The following SOX6 variants were observed in gnomAD, a reference collection of about 807,000 sequenced individuals.
SOX6 encodes SRY-box transcription factor 6.
A neutral mutation model predicts 97.8 loss-of-function variants in SOX6; 11 were observed. The ratio of observed to expected loss-of-function variants is 0.11; its 90% CI spans 0.07 to 0.19. The LOEUF (loss-of-function observed/expected upper bound fraction) is 0.19, where lower values mean the gene tolerates loss of function less well. Among genes scored for constraint, SOX6 ranks in the 10% least tolerant of loss-of-function variants. The pLI, the probability that SOX6 is intolerant of heterozygous loss-of-function variation, is 1.00. For synonymous variants in SOX6, 360 were observed against 371.4 expected (o/e 0.97, Z 0.35); for missense variants, 810 against 1,039.5 (o/e 0.78, Z 3.04).
At position 16,102,823 on chromosome 11, in the gene SOX6, CA is replaced by C. The variant is rs1848982331; in HGVS notation, c.899-5136del. Among the ~76,000 whole-genome samples, 12 of 151,726 alleles carry C rather than the reference CA, an allele frequency of 7.9e-5. No individual in the cohort carries two copies. The South Asian group carries it at 2.5e-3, about 31-fold the overall frequency. On this transcript the variant is annotated intron_variant, in intron 7 of 15. Transcript: ENST00000683767. ...TGATGCTGGAATAATTGGCAAGCCA[CA>C]CGTAGAATGAATCTGGATCCTCATC...
At chr11:16,673,417 G>C (rs1847861317) in intron 3 of SOX6, among the ~76,000 whole-genome samples, 1 of 152,044 alleles carries the variant, frequency 6.6e-6, no homozygotes, top group Non-Finnish European at 1.5e-5. Context: ...GATGAAAAAA[G>C]AGACATTACT....
At chr11:16,497,504 C>T (rs932683787) in intron 4 of SOX6, among the ~76,000 whole-genome samples, 10 of 151,888 alleles carry the variant, frequency 6.6e-5, no homozygotes, top group Non-Finnish European at 1.3e-4. Flanking sequence ...AGGCTTCAGA[C>T]AATCAAACTA....
intron 3 of SOX6, among the ~76,000 whole-genome samples, chr11:16,643,629 C>T (rs1371192967): frequency 1.3e-5 from 2 of 152,230 alleles, no homozygotes; most frequent in African/African-American, 4.8e-5. Flanking sequence ...ACCCCTCCCC[C>T]AGCCTCGCTG....
rs541819510 is a variant in SOX6, at chr11:16,694,070, T to A, written n.429+20760A>T. Among the ~76,000 whole-genome samples, 81 of 152,350 alleles carry A rather than the reference T, an allele frequency of 5.3e-4. 1 individual carries two copies. Among genetic ancestry groups the A allele is most frequent in the Non-Finnish European group, 1.0e-3 (68 of 68,026 alleles). ...TCAACAGAAATATATTTTTGACTTC[T>A]ACCTAACACAGCAGATGAGTCCTGC... On this transcript the variant is annotated intron_variant and non_coding_transcript_variant, in intron 3 of 5. Transcript: ENST00000524520.
chr11:16,375,316 A>G (rs1227441625), intron 1 of SOX6, among the ~76,000 whole-genome samples: 2 of 152,080 alleles, frequency 1.3e-5, no homozygotes, highest in African/African-American at 4.8e-5. Flanking sequence ...GATTTTTTGC[A>G]TCACTGAACC....
intron 1 of SOX6, among the ~76,000 whole-genome samples, chr11:16,352,097 G>A (rs1437342073): frequency 6.6e-6 from 1 of 151,978 alleles, no homozygotes; most frequent in Non-Finnish European, 1.5e-5. Context: ...GTTTCTGGGG[G>A]TGTCTCCTCT....
chr11:16,393,829 T>C (rs1858261448), intron 1 of SOX6, among the ~76,000 whole-genome samples: 2 of 152,054 alleles, frequency 1.3e-5, no homozygotes. Context: ...AAATGAAACT[T>C]TCAAATCTAG....
intron 6 of SOX6, among the ~76,000 whole-genome samples, chr11:16,172,783 T>G (rs1263179531): frequency 2.0e-5 from 3 of 152,070 alleles, no homozygotes; most frequent in South Asian, 2.1e-4. Context: ...AGTCATTTGC[T>G]GCAGGACAGG....
intron 3 of SOX6, among the ~76,000 whole-genome samples, chr11:16,256,092 C>T (rs1238169448): frequency 6.6e-6 from 1 of 151,900 alleles, no homozygotes; most frequent in Non-Finnish European, 1.5e-5. Context: ...TAATTAGTAA[C>T]CTTCCAAAAC....
At chr11:16,225,082 C>CT (rs1301488300) in intron 4 of SOX6, among the ~76,000 whole-genome samples, 3 of 151,920 alleles carry the variant, frequency 2.0e-5, no homozygotes, top group Non-Finnish European at 4.4e-5. Context: ...TTGTGACAAT[C>CT]TTTTTTACAA....
At chr11:16,146,598 A>C (rs1200288428) in intron 6 of SOX6, among the ~76,000 whole-genome samples, 1 of 152,156 alleles carries the variant, frequency 6.6e-6, no homozygotes, top group African/African-American at 2.4e-5. Context: ...TTTGCAATCT[A>C]CTTATCTGAC....
At chr11:16,074,392 G>A (rs1030970521) in intron 9 of SOX6, among the ~76,000 whole-genome samples, 1 of 151,948 alleles carries the variant, frequency 6.6e-6, no homozygotes, top group African/African-American at 2.4e-5. Flanking sequence ...ATTGAACCAG[G>A]AAGAAATCAA....
chr11:16,479,716 A>G (rs1860310718), upstream of SOX6, among the ~76,000 whole-genome samples: 1 of 152,144 alleles, frequency 6.6e-6, no homozygotes, highest in East Asian at 1.9e-4. Flanking sequence ...AAAAACTGGT[A>G]TTGGTGAGAG....
chr11:16,449,454 G>A (rs1859678855), intron 1 of SOX6, among the ~76,000 whole-genome samples: 3 of 151,904 alleles, frequency 2.0e-5, no homozygotes, highest in Non-Finnish European at 2.9e-5. Flanking sequence ...TACCATGCCC[G>A]GCTAATTTTT....
intron 12 of SOX6, among the ~76,000 whole-genome samples, chr11:16,045,095 G>T (rs1855789112): frequency 6.6e-6 from 1 of 151,964 alleles, no homozygotes; most frequent in Non-Finnish European, 1.5e-5. Flanking sequence ...CCTCCCAAAT[G>T]AATTTAAAAA....
At chr11:16,405,863 C>T (rs1367763090) in intron 1 of SOX6, among the ~76,000 whole-genome samples, 2 of 151,954 alleles carry the variant, frequency 1.3e-5, no homozygotes, top group Admixed American at 6.6e-5. Context: ...AATCGAGTTT[C>T]CTTTTTCTAA....
chr11:16,008,401 G>A (rs1466639821), intron 13 of SOX6, among the ~76,000 whole-genome samples: 1 of 152,002 alleles, frequency 6.6e-6, no homozygotes, highest in Admixed American at 6.6e-5. Flanking sequence ...TTTTTTTGTG[G>A]TAATTATTCA....
intron 6 of SOX6, among the ~76,000 whole-genome samples, chr11:16,162,150 T>C (rs1850765891): frequency 6.6e-6 from 1 of 152,232 alleles, no homozygotes; most frequent in Admixed American, 6.5e-5. Context: ...TCCAAATTTT[T>C]ACCCAGACAT....
intron 4 of SOX6, among the ~76,000 whole-genome samples, chr11:16,561,895 A>AT (rs34946551): frequency 0.41 from 61,724 of 149,216 alleles, 13,407 homozygotes; most frequent in East Asian, 0.79. Flanking sequence ...CACCTGGCTA[A>AT]TTTTTTTTTT....
Sources: gnomAD v4.1 joint callset for allele counts (sites outside exome capture counted in the v4.1 genomes callset) on GRCh38, gnomAD v4.1.1 for gene constraint, MANE v1.5 for transcripts, NCBI Gene and HGNC (gene_info 2026-07-23, HGNC 2026-07-21) for gene names.